The following NEDD9 variants were observed in gnomAD, a reference collection of about 807,000 sequenced individuals.
NEDD9 encodes the protein enhancer of filamentation 1.
NEDD9 carries 26 observed loss-of-function variants against 76.6 expected under a neutral mutation model. The observed-to-expected ratio is 0.34, with a 90% CI of 0.25 to 0.47. The LOEUF (loss-of-function observed/expected upper bound fraction) is 0.47. Among genes scored for constraint, NEDD9 ranks in the 20% least tolerant of loss-of-function variants. NEDD9 has a pLI of 1.00. For missense variants in NEDD9, 937 were observed against 1,058.5 expected, an observed-to-expected ratio of 0.89 and a Z score of 1.59; for synonymous variants, 392 against 414.2, an observed-to-expected ratio of 0.95 and a Z score of 0.65.
At chr6:11,316,607 CAT>C (rs1761571935) in intron 2 of NEDD9, among the ~76,000 whole-genome samples, 1 of 152,208 alleles carries the variant, frequency 6.6e-6, no homozygotes, top group Non-Finnish European at 1.5e-5. Context: ...AACTCGATCA[CAT>C]TTTCTTGCAT....
chr6:11,237,122 C>A (rs1157118405), upstream of NEDD9, among the ~76,000 whole-genome samples: 1 of 152,186 alleles, frequency 6.6e-6, no homozygotes, highest in Non-Finnish European at 1.5e-5. The surrounding 1 kb of genome is among the most constrained non-coding windows in gnomAD (Gnocchi z 4.9). Flanking sequence ...CCCACCTCGC[C>A]CTTTCAGAAC....
At chr6:11,315,530 G>A (rs1209360878) in intron 2 of NEDD9, among the ~76,000 whole-genome samples, 1 of 152,174 alleles carries the variant, frequency 6.6e-6, no homozygotes, top group Non-Finnish European at 1.5e-5. Flanking sequence ...ATTTGTTGGG[G>A]ATTTAATATC....
At chr6:11,333,900 C>T (rs1421547690) in intron 2 of NEDD9, among the ~76,000 whole-genome samples, 3 of 152,230 alleles carry the variant, frequency 2.0e-5, no homozygotes, top group Non-Finnish European at 2.9e-5. Context: ...CTTCTGCCAC[C>T]TCCTTTTCAC....
chr6:11,237,468 T>C (rs1759627924), upstream of NEDD9, among the ~76,000 whole-genome samples: 2 of 152,228 alleles, frequency 1.3e-5, no homozygotes, highest in South Asian at 4.1e-4. This position sits in a 1 kb window ranked among gnomAD's most constrained non-coding sequence, Gnocchi z 4.9. Context: ...TCCATTTATT[T>C]AAAATGGTGT....
At chr6:11,335,515 C>T (rs533577062) in intron 1 of NEDD9, among the ~76,000 whole-genome samples, 1 of 152,192 alleles carries the variant, frequency 6.6e-6, no homozygotes, top group South Asian at 2.1e-4. Flanking sequence ...CGTCATACAA[C>T]CAATGCTTCA....
intron 1 of NEDD9, among the ~76,000 whole-genome samples, chr6:11,348,889 A>C (rs1762411304): frequency 6.6e-6 from 1 of 152,246 alleles, no homozygotes; most frequent in Admixed American, 6.5e-5. Context: ...CAAAGATGCC[A>C]AAAGCAATCT....
At chr6:11,189,845 A>G (rs976933568) in intron 5 of NEDD9, 119 bp downstream of exon 5, 4 of 1,267,250 alleles carry the variant, frequency 3.2e-6, no homozygotes, top group Admixed American at 2.5e-5. Context: ...TGAACCATGT[A>G]GATTAACATT....
chr6:11,201,526 C>A (rs1446093686), intron 2 of NEDD9, among the ~76,000 whole-genome samples: 2 of 152,178 alleles, frequency 1.3e-5, no homozygotes, highest in African/African-American at 4.8e-5. Flanking sequence ...GCAGAAAAAT[C>A]CTACTCTTTG....
At chr6:11,319,737 T>G (rs1382205855) in intron 2 of NEDD9, among the ~76,000 whole-genome samples, 1 of 109,458 alleles carries the variant, frequency 9.1e-6, no homozygotes, top group East Asian at 2.6e-4. Context: ...CACACTAACA[T>G]GCACACACAC....
chr6:11,327,788 G>A (rs1019306895), intron 2 of NEDD9, among the ~76,000 whole-genome samples: 1 of 152,278 alleles, frequency 6.6e-6, no homozygotes, highest in African/African-American at 2.4e-5. Context: ...AGTTTCTGCA[G>A]AGGGAAAAGA....
At chr6:11,215,981 C>T (rs143748438) in intron 1 of NEDD9, among the ~76,000 whole-genome samples, 6 of 152,310 alleles carry the variant, frequency 3.9e-5, no homozygotes, top group African/African-American at 9.6e-5. Flanking sequence ...AATCCCCGTG[C>T]GAGAGTCGTC....
At chr6:11,238,344 C>G (rs545309264) in intron 3 of NEDD9, among the ~76,000 whole-genome samples, 1 of 152,306 alleles carries the variant, frequency 6.6e-6, no homozygotes, top group South Asian at 2.1e-4. Flanking sequence ...TGGCCCTGAC[C>G]ATGGAGCTAT....
intron 3 of NEDD9, among the ~76,000 whole-genome samples, chr6:11,254,724 C>T (rs1199796464): frequency 2.0e-5 from 3 of 152,150 alleles, no homozygotes; most frequent in African/African-American, 7.2e-5. Flanking sequence ...TGGTAACTTA[C>T]TGCTAATTAG....
intron 3 of NEDD9, among the ~76,000 whole-genome samples, chr6:11,295,365 T>C (rs1319893509): frequency 6.6e-6 from 1 of 152,266 alleles, no homozygotes; most frequent in Non-Finnish European, 1.5e-5. Flanking sequence ...TCTCCCATTC[T>C]GTAGGGTGCG....
intron 1 of NEDD9, among the ~76,000 whole-genome samples, chr6:11,340,403 A>G (rs998540339): frequency 4.6e-5 from 7 of 152,166 alleles, no homozygotes; most frequent in Non-Finnish European, 1.0e-4. Flanking sequence ...CTTACTTCAT[A>G]TGCACCAGGT....
upstream of NEDD9, among the ~76,000 whole-genome samples, chr6:11,235,437 G>C (rs1187284112): frequency 6.6e-6 from 1 of 152,152 alleles, no homozygotes; most frequent in East Asian, 1.9e-4. The surrounding 1 kb of genome is among the most constrained non-coding windows in gnomAD (Gnocchi z 4.1). Context: ...TTTCTAGGAG[G>C]GGAGGATACA....
At chr6:11,329,940 A>G (rs1348096272) in intron 2 of NEDD9, among the ~76,000 whole-genome samples, 2 of 152,164 alleles carry the variant, frequency 1.3e-5, no homozygotes, top group Non-Finnish European at 2.9e-5. Context: ...TAAGCCAAGA[A>G]GGAAATTACT....
intron 3 of NEDD9, among the ~76,000 whole-genome samples, chr6:11,242,799 G>T (rs1158197027): frequency 6.6e-6 from 1 of 152,182 alleles, no homozygotes; most frequent in Non-Finnish European, 1.5e-5. Flanking sequence ...CTGGAGGCCA[G>T]ATGAGCTTGT....
At chr6:11,228,224 G>A (rs1336385055) in intron 1 of NEDD9, among the ~76,000 whole-genome samples, 2 of 152,010 alleles carry the variant, frequency 1.3e-5, no homozygotes, top group African/African-American at 2.4e-5. Flanking sequence ...ATAAAAGCAC[G>A]AAAGTGGGAG....
Sources: allele counts gnomAD v4.1 joint callset (sites outside exome capture counted in the v4.1 genomes callset), GRCh38; gene constraint gnomAD v4.1.1; non-coding constraint Gnocchi (gnomAD v3.1); transcripts MANE v1.5; gene names NCBI Gene and HGNC (gene_info 2026-07-23, HGNC 2026-07-21).